Variants in ZBTB34 observed in about 807,000 individuals in gnomAD.
ZBTB34 encodes the protein zinc finger and BTB domain-containing protein 34.
A neutral mutation model predicts 33.4 loss-of-function variants in ZBTB34; 1 was observed. That is an observed-to-expected ratio of 0.03 (90% CI 0.01 to 0.14). The LOEUF (loss-of-function observed/expected upper bound fraction) is 0.14. Among genes scored for constraint, ZBTB34 ranks in the 10% least tolerant of loss-of-function variants. ZBTB34 has a pLI of 1.00. For missense variants in ZBTB34, 406 were observed against 657.2 expected (o/e 0.62, Z 4.18); for synonymous variants, 283 against 253.5 (o/e 1.12, Z -1.11).
chr9:126,863,110 C>G (rs1025252721), intron 1 of ZBTB34, among the ~76,000 whole-genome samples: 2 of 152,138 alleles, frequency 1.3e-5, no homozygotes, highest in Admixed American at 6.5e-5. Context: ...ATTCTTCATT[C>G]GGAGGCTGTG....
intron 1 of ZBTB34, among the ~76,000 whole-genome samples, chr9:126,876,911 A>G (rs1399188692): frequency 6.6e-6 from 1 of 152,210 alleles, no homozygotes; most frequent in African/African-American, 2.4e-5. Flanking sequence ...AAAAATTCGG[A>G]CATGATCTAG....
chr9:126,876,179 CTTTCCCCCTTCCCTCCTTTCCCCCCCT>C (rs2119225193), intron 1 of ZBTB34, among the ~76,000 whole-genome samples: 1 of 378 alleles, frequency 2.6e-3, no homozygotes, highest in Non-Finnish European at 4.7e-3. Context: ...CCCTTCCCCC[CTTTCCCCCTTCCCTCCTTTCCCCCCCT>C]TTCCCCCTTC....
Position 126,880,002 on chromosome 9 carries a change from G to C in ZBTB34, c.603G>C (p.Glu201Asp), listed in dbSNP as rs1476555692. The change falls in exon 2 of 2, where the codon GAG becomes GAC. Residue 201 changes from glutamate (E) to aspartate (D), a missense_variant. By Grantham distance (45) the Glu-to-Asp change is conservative. This residue lies in a region of ZBTB34 where 137 missense variants were observed against 173.0 expected (regional missense o/e 0.79). Coordinates refer to ENST00000319119, the Ensembl canonical transcript of ZBTB34. This position sits in a 1 kb window ranked among gnomAD's most constrained non-coding sequence, Gnocchi z 6.7. ...CTTTGCGCAGCCGCTTACAGGAGGAGGGGCACTCAGACCGCGGGAGCAGTG... is the reference window on the plus strand; with the variant it reads ...CTTTGCGCAGCCGCTTACAGGAGGACGGGCACTCAGACCGCGGGAGCAGTG... 1 of 1,613,478 alleles carries C rather than the reference G, an allele frequency of 6.2e-7. No individual in the cohort carries two copies. Among genetic ancestry groups the C allele is most frequent in the Non-Finnish European group, 8.5e-7 (1 of 1,179,906 alleles).
chr9:126,865,364 C>T (rs1468378998), intron 1 of ZBTB34, among the ~76,000 whole-genome samples: 1 of 152,242 alleles, frequency 6.6e-6, no homozygotes, highest in African/African-American at 2.4e-5. Flanking sequence ...CAGTCCCTGC[C>T]CTCAGAGAGC....
At chr9:126,866,272 A>G (rs1196336436) in intron 1 of ZBTB34, among the ~76,000 whole-genome samples, 1 of 152,070 alleles carries the variant, frequency 6.6e-6, no homozygotes. Context: ...ACCTGAGCCC[A>G]GCTTGTCCTG....
chr9:126,881,869 C>T (rs1267797521), exon 2 of ZBTB34: 1 of 166,830 alleles, frequency 6.0e-6, no homozygotes. Flanking sequence ...TCGAATCACT[C>T]TCTATCATGA....
chr9:126,864,608 A>T (rs2033177970), intron 1 of ZBTB34, among the ~76,000 whole-genome samples: 1 of 152,116 alleles, frequency 6.6e-6, no homozygotes, highest in African/African-American at 2.4e-5. Flanking sequence ...TTAAATTAGG[A>T]TGAGTGCTTC....
intron 1 of ZBTB34, among the ~76,000 whole-genome samples, chr9:126,868,960 G>A (rs1441788635): frequency 6.6e-6 from 1 of 152,068 alleles, no homozygotes; most frequent in Non-Finnish European, 1.5e-5. Context: ...ATGATACACG[G>A]TGGCCGCGGG....
At position 126,879,769 on chromosome 9, in the gene ZBTB34, C is replaced by G. The variant is rs1564225864; in HGVS notation, c.370C>G (p.Gln124Glu). ...GCAGTGTGTCATTGACAAGTGCACG[C>G]AGATCCTAGAGAGCATCCATTCCAA... The change falls in exon 2 of 2, where the codon CAG becomes GAG. Residue 124 changes from glutamine to glutamate, a missense_variant. Physicochemically the swap from Gln to Glu is conservative, Grantham distance 29. Transcript: ENST00000319119. The surrounding 1 kb of genome is among the most constrained non-coding windows in gnomAD (Gnocchi z 6.4). 1 of 1,613,472 alleles carries G rather than the reference C, an allele frequency of 6.2e-7. No homozygotes were observed. The highest frequency in any genetic ancestry group is 8.5e-7 in the Non-Finnish European group (1 of 1,179,902).
chr9:126,868,612 G>C (rs2033239177), intron 1 of ZBTB34, among the ~76,000 whole-genome samples: 1 of 152,216 alleles, frequency 6.6e-6, no homozygotes, highest in Admixed American at 6.5e-5. Context: ...TTCCATGTCT[G>C]CCGTCCTCTG....
At chr9:126,869,777 T>C (rs908016053) in intron 1 of ZBTB34, among the ~76,000 whole-genome samples, 1 of 152,124 alleles carries the variant, frequency 6.6e-6, no homozygotes, top group African/African-American at 2.4e-5. Flanking sequence ...ATTTTGGAAG[T>C]AAGAAATTAA....
At chr9:126,872,023 G>A (rs574508075) in intron 1 of ZBTB34, among the ~76,000 whole-genome samples, 3 of 151,314 alleles carry the variant, frequency 2.0e-5, no homozygotes, top group South Asian at 2.1e-4. Context: ...GCACGATCTC[G>A]GCTCACTGCA....
intron 1 of ZBTB34, among the ~76,000 whole-genome samples, chr9:126,870,216 C>A (rs964179818): frequency 6.6e-6 from 1 of 152,054 alleles, no homozygotes; most frequent in African/African-American, 2.4e-5. Flanking sequence ...CAAACTTAAT[C>A]TAAATGAAAA....
Position 126,880,979 on chromosome 9 carries a change from G to A in ZBTB34, c.*65G>A. On this transcript the variant is annotated 3_prime_UTR_variant, in exon 2 of 2. Transcript: ENST00000319119. This position sits in a 1 kb window ranked among gnomAD's most constrained non-coding sequence, Gnocchi z 6.7. Reference sequence around the variant, plus strand: ...ATGCATATTTGTGATTTGCTTTGTTGTAATCTTTGGTTTTCCCAACCATCT... The same window carrying A: ...ATGCATATTTGTGATTTGCTTTGTTATAATCTTTGGTTTTCCCAACCATCT... 2 of 1,481,020 alleles carry A rather than the reference G, an allele frequency of 1.4e-6. No individual in the cohort carries two copies. Among genetic ancestry groups the A allele is most frequent in the Non-Finnish European group, 1.8e-6 (2 of 1,107,652 alleles). The allele number at this position is 1,481,020 out of a possible 1,614,324, so 91.7% of individuals were successfully genotyped here. A position where few individuals can be genotyped will look rare whatever the true frequency, so the allele number is the denominator to read the frequency against.
At chr9:126,865,362 G>T (rs919645537) in intron 1 of ZBTB34, among the ~76,000 whole-genome samples, 4 of 152,368 alleles carry the variant, frequency 2.6e-5, no homozygotes, top group Admixed American at 2.6e-4. Flanking sequence ...CGCAGTCCCT[G>T]CCCTCAGAGA....
At chr9:126,876,030 G>A (rs1197199164) in intron 1 of ZBTB34, among the ~76,000 whole-genome samples, 2 of 151,636 alleles carry the variant, frequency 1.3e-5, no homozygotes, top group Non-Finnish European at 2.9e-5. Flanking sequence ...TTTCTGATGG[G>A]ATATTATGCT....
At chr9:126,878,104 G>A (rs907539377) in intron 1 of ZBTB34, among the ~76,000 whole-genome samples, 3 of 151,956 alleles carry the variant, frequency 2.0e-5, no homozygotes, top group Non-Finnish European at 4.4e-5. Flanking sequence ...GGGAAGCTGA[G>A]GTGGGAGGAT....
Position 126,880,080 on chromosome 9 carries a change from C to T in ZBTB34, c.681C>T (p.Asp227=), listed in dbSNP as rs781771076. The change falls in exon 2 of 2, where the codon GAC becomes GAT. Residue 227 remains aspartate, a synonymous_variant. Transcript: ENST00000319119. This position sits in a 1 kb window ranked among gnomAD's most constrained non-coding sequence, Gnocchi z 6.7. ...TAGAGGGAGACCATGAGCAAGGAGACCTATTGGTGAGGGAGAGCCAGATCA... is the reference window on the plus strand; with the variant it reads ...TAGAGGGAGACCATGAGCAAGGAGATCTATTGGTGAGGGAGAGCCAGATCA... 1.2e-6 allele frequency: 2 copies of T among 1,613,492 alleles called. No homozygotes were observed. The highest frequency in any genetic ancestry group is 1.7e-6 in the Non-Finnish European group (2 of 1,179,860).
chr9:126,860,879 C>T (rs1000430756), intron 1 of ZBTB34, 140 bp downstream of exon 1: 5 of 147,852 alleles, frequency 3.4e-5, no homozygotes, highest in Admixed American at 2.0e-4. Context: ...CGCGCCTGGT[C>T]AGTCCCGCGG....
Sources: allele counts gnomAD v4.1 joint callset (sites outside exome capture counted in the v4.1 genomes callset), GRCh38; gene constraint gnomAD v4.1.1; regional missense constraint gnomAD v4.1.1; non-coding constraint Gnocchi (gnomAD v3.1); transcripts MANE v1.5; gene names NCBI Gene and HGNC (gene_info 2026-07-23, HGNC 2026-07-21).